The following KSR2 variants were observed in gnomAD, a reference collection of about 807,000 sequenced individuals.
The protein encoded by KSR2 is kinase suppressor of ras 2.
Under a neutral mutation model 107.8 loss-of-function variants are expected in KSR2, and 25 were observed. The ratio of observed to expected loss-of-function variants is 0.23; its 90% CI spans 0.17 to 0.32. The LOEUF is 0.32. Among genes scored for constraint, KSR2 ranks in the 10% least tolerant of loss-of-function variants. The pLI is 1.00. For missense variants in KSR2, 887 were observed against 1,268.9 expected, an observed-to-expected ratio of 0.70 and a Z score of 4.57; for synonymous variants, 480 against 507.0, an observed-to-expected ratio of 0.95 and a Z score of 0.71.
chr12:117,957,920 C>T (rs1426630880), intron 1 of KSR2, among the ~76,000 whole-genome samples: 2 of 151,966 alleles, frequency 1.3e-5, no homozygotes, highest in Non-Finnish European at 1.5e-5. Flanking sequence ...CAACCTGCGC[C>T]TCCTGGGTTC....
intron 1 of KSR2, among the ~76,000 whole-genome samples, chr12:117,872,316 C>T (rs1416473480): frequency 6.6e-6 from 1 of 152,160 alleles, no homozygotes; most frequent in Admixed American, 6.5e-5. Flanking sequence ...TCAAACATTG[C>T]TACTCGTGAG....
rs148470718 is a variant in KSR2 at position 117,904,028 on chromosome 12, T to A, written c.181-43597A>T. Among the ~76,000 whole-genome samples, 120 of 152,150 alleles carry A rather than the reference T, an allele frequency of 7.9e-4. 1 individual carries two copies. Among genetic ancestry groups the A allele is most frequent in the Admixed American group, 2.0e-4 (3 of 15,280 alleles). ...ATCAATCAATCAATCAATCTTTGAATGGCTTGGTCAAAAAAGATTCCGTGA... is the reference window on the plus strand; with the variant it reads ...ATCAATCAATCAATCAATCTTTGAAAGGCTTGGTCAAAAAAGATTCCGTGA... On this transcript the variant is annotated intron_variant, in intron 1 of 19. Coordinates refer to ENST00000339824, the MANE Select transcript of KSR2 (RefSeq NM_173598.6).
chr12:117,485,791 A>C, intron 14 of KSR2, 100 bp from the exon 15 acceptor site: 6 of 776,452 alleles, frequency 7.7e-6, no homozygotes, highest in Non-Finnish European at 1.4e-5. Flanking sequence ...AGACACGTGG[A>C]CATGCCACTA....
At chr12:117,804,148 A>G (rs1039542197) in intron 3 of KSR2, among the ~76,000 whole-genome samples, 1 of 152,116 alleles carries the variant, frequency 6.6e-6, no homozygotes, top group African/African-American at 2.4e-5. Context: ...GTTCTAAGTG[A>G]TTCTCCTGCC....
intron 14 of KSR2, among the ~76,000 whole-genome samples, chr12:117,490,099 G>A (rs1730560775): frequency 6.6e-6 from 1 of 152,140 alleles, no homozygotes; most frequent in South Asian, 2.1e-4. Flanking sequence ...GTGAGGATAT[G>A]GACACCTAGA....
chr12:117,794,453 C>A (rs1236794457), intron 3 of KSR2, among the ~76,000 whole-genome samples: 1 of 107,282 alleles, frequency 9.3e-6, no homozygotes, highest in African/African-American at 3.5e-5. Context: ...CATGCACACA[C>A]ACCAACATGC....
At chr12:117,625,098 T>G (rs1413092551) in intron 5 of KSR2, among the ~76,000 whole-genome samples, 1 of 152,202 alleles carries the variant, frequency 6.6e-6, no homozygotes, top group South Asian at 2.1e-4. Context: ...CTTAGGAGAT[T>G]TTGGGCTGAG....
At chr12:117,727,646 G>A (rs1887487542) in intron 4 of KSR2, among the ~76,000 whole-genome samples, 1 of 152,148 alleles carries the variant, frequency 6.6e-6, no homozygotes, top group Non-Finnish European at 1.5e-5. Flanking sequence ...GCCATCAGAA[G>A]CTGGGAGAGG....
At chr12:117,742,528 A>G (rs11068668) in intron 4 of KSR2, among the ~76,000 whole-genome samples, 5 of 66,804 alleles carry the variant, frequency 7.5e-5, no homozygotes, top group Non-Finnish European at 1.1e-4. Context: ...GGATGGATGG[A>G]TGGGTGGATG....
At chr12:117,890,355 A>G (rs1024745447) in intron 1 of KSR2, among the ~76,000 whole-genome samples, 36 of 152,226 alleles carry the variant, frequency 2.4e-4, no homozygotes, top group African/African-American at 8.7e-4. Flanking sequence ...CAGGCTTTAG[A>G]GCCCAGCCAC....
At chr12:117,499,691 T>C (rs903953908) in intron 14 of KSR2, among the ~76,000 whole-genome samples, 10 of 152,248 alleles carry the variant, frequency 6.6e-5, no homozygotes, top group African/African-American at 2.4e-4. Flanking sequence ...GCTTGGTGAT[T>C]ACAGAGAAAC....
intron 3 of KSR2, among the ~76,000 whole-genome samples, chr12:117,831,256 T>A (rs959405692): frequency 2.6e-4 from 39 of 152,378 alleles, no homozygotes; most frequent in African/African-American, 9.1e-4. Context: ...TCTTAACTGA[T>A]GCTATCTCTC....
chr12:117,695,537 T>C (rs6490145), intron 4 of KSR2, among the ~76,000 whole-genome samples: 42,116 of 128,522 alleles, frequency 0.33, 6,154 homozygotes, highest in Admixed American at 0.36. Context: ...GAAATCCCAT[T>C]TCTACAAAAA....
intron 3 of KSR2, among the ~76,000 whole-genome samples, chr12:117,802,456 G>A (rs1890866118): frequency 1.3e-5 from 2 of 152,294 alleles, no homozygotes; most frequent in South Asian, 4.1e-4. Flanking sequence ...GTTCAGAGAT[G>A]TCCCTGGGGA....
intron 1 of KSR2, among the ~76,000 whole-genome samples, chr12:117,913,840 C>G (rs573688095): frequency 6.6e-6 from 1 of 152,216 alleles, no homozygotes; most frequent in Admixed American, 6.5e-5. Flanking sequence ...TACCTCTCCC[C>G]CAAGTTCTCC....
intron 1 of KSR2, among the ~76,000 whole-genome samples, chr12:117,957,746 G>GTT (rs1896553786): frequency 1.1e-5 from 1 of 90,578 alleles, no homozygotes; most frequent in East Asian, 3.4e-4. Flanking sequence ...AGAATTGTGA[G>GTT]TTACACACAC....
At chr12:117,615,728 C>A (rs193093771) in intron 5 of KSR2, among the ~76,000 whole-genome samples, 63 of 152,226 alleles carry the variant, frequency 4.1e-4, no homozygotes, top group African/African-American at 1.5e-3. Context: ...TAGCCCCAAG[C>A]GACATACTGA....
intron 3 of KSR2, among the ~76,000 whole-genome samples, chr12:117,762,940 G>A (rs893831140): frequency 3.3e-5 from 5 of 151,730 alleles, no homozygotes; most frequent in Admixed American, 6.6e-5. Flanking sequence ...TGCACAATGT[G>A]CAGGTTAGTT....
chr12:117,793,500 C>T (rs529307755), intron 3 of KSR2, among the ~76,000 whole-genome samples: 1 of 146,786 alleles, frequency 6.8e-6, no homozygotes, highest in East Asian at 2.1e-4. Context: ...CATGCACACA[C>T]CCTTACACCA....
Sources: allele counts gnomAD v4.1 joint callset (sites outside exome capture counted in the v4.1 genomes callset), GRCh38; gene constraint gnomAD v4.1.1; transcripts MANE v1.5; gene names NCBI Gene and HGNC (gene_info 2026-07-23, HGNC 2026-07-21).